The following ANKH variants were observed in gnomAD, a reference collection of about 807,000 sequenced individuals.
ANKH encodes the protein mineralization regulator ANKH.
In ANKH, 15 loss-of-function variants were observed where a neutral mutation model predicts 49.0. The ratio of observed to expected loss-of-function variants is 0.31; its 90% CI spans 0.20 to 0.47. The LOEUF (loss-of-function observed/expected upper bound fraction) is 0.47, where lower values mean the gene tolerates loss of function less well. ANKH is among the 20% of genes least tolerant of loss of function. The pLI is 1.00. For synonymous variants in ANKH, 273 were observed against 260.0 expected (o/e 1.05, Z -0.48); for missense variants, 429 against 652.0 (o/e 0.66, Z 3.72).
chr5:14,841,136 G>A (rs192165663), intron 1 of ANKH, among the ~76,000 whole-genome samples: 12 of 152,170 alleles, frequency 7.9e-5, no homozygotes, highest in African/African-American at 2.4e-4. Flanking sequence ...AAAATGGGTA[G>A]AGGAATGAAG....
At chr5:14,772,413 C>T (rs993518154) in intron 1 of ANKH, among the ~76,000 whole-genome samples, 6 of 152,264 alleles carry the variant, frequency 3.9e-5, no homozygotes, top group East Asian at 1.9e-4. Flanking sequence ...TTTTCTGACT[C>T]GGTATTATAT....
chr5:14,781,284 G>C (rs1245316495), intron 1 of ANKH, among the ~76,000 whole-genome samples: 2 of 152,178 alleles, frequency 1.3e-5, no homozygotes, highest in Non-Finnish European at 2.9e-5. Context: ...TTGTGGTTCA[G>C]GGGGAGCAGC....
Position 14,713,631 on chromosome 5 carries a change from G to A in ANKH, c.1178C>T (p.Thr393Ile). Reference sequence around the variant, plus strand: ...GGCAAGGACGAAGGTTTTCTTCAGTGTCATCAGCCACCCGGTGAGATGCGC... The same window carrying A: ...GGCAAGGACGAAGGTTTTCTTCAGTATCATCAGCCACCCGGTGAGATGCGC... ...VRAHLTGWLM[T>I]LKKTFVLAPS... Residue 393 changes from threonine to isoleucine, a missense_variant, in exon 10 of 12, where the codon ACA becomes ATA. Thr to Ile is a moderately conservative substitution (Grantham distance 89). Coordinates refer to ENST00000284268, the MANE Select transcript of ANKH (RefSeq NM_054027.6). This position sits in a 1 kb window ranked among gnomAD's most constrained non-coding sequence, Gnocchi z 4.4. 2 of 1,614,224 alleles carry A rather than the reference G, an allele frequency of 1.2e-6. No individual in the cohort carries two copies. Among genetic ancestry groups the A allele is most frequent in the Middle Eastern group, 1.7e-4 (1 of 6,050 alleles).
chr5:14,723,427 C>A (rs1017659988), intron 8 of ANKH, among the ~76,000 whole-genome samples: 1 of 151,792 alleles, frequency 6.6e-6, no homozygotes, highest in African/African-American at 2.4e-5. Flanking sequence ...TTTGGGAAGT[C>A]AAGGTGGGAG....
At chr5:14,867,029 C>T (rs941860178) in intron 1 of ANKH, among the ~76,000 whole-genome samples, 2 of 151,914 alleles carry the variant, frequency 1.3e-5, no homozygotes, top group African/African-American at 2.4e-5. Flanking sequence ...TGGTGGTGCA[C>T]GCCTGTAGTC....
At chr5:14,849,743 G>A (rs750781756) in intron 1 of ANKH, among the ~76,000 whole-genome samples, 10 of 152,164 alleles carry the variant, frequency 6.6e-5, no homozygotes, top group East Asian at 1.9e-4. Context: ...TAGCTGTGCC[G>A]GACGATCCCT....
In ANKH at chr5:14,710,913, C is replaced by G; in HGVS notation, c.*284G>C. On this transcript the variant is annotated 3_prime_UTR_variant, in exon 12 of 12. Transcript: ENST00000284268. ...CAGGGGAGGAGGACACAACGTCAAC[C>G]GTGAGGCAGCTGTGTCTTTTGGGTT... 2 of 418,588 alleles carry G rather than the reference C, an allele frequency of 4.8e-6. No individual in the cohort carries two copies. The highest frequency in any genetic ancestry group is 9.0e-6 in the Non-Finnish European group (2 of 222,930). The allele number at this position is 418,588 out of a possible 1,614,324, so 25.9% of individuals were successfully genotyped here. A position where few individuals can be genotyped will look rare whatever the true frequency, so the allele number is the denominator to read the frequency against.
At chr5:14,821,795 G>GA (rs1271057855) in intron 1 of ANKH, among the ~76,000 whole-genome samples, 1 of 151,666 alleles carries the variant, frequency 6.6e-6, no homozygotes, top group Non-Finnish European at 1.5e-5. Context: ...ATAAATGAGC[G>GA]AAAAAAAGGA....
chr5:14,821,922 G>T (rs1440091419), intron 1 of ANKH, among the ~76,000 whole-genome samples: 1 of 152,116 alleles, frequency 6.6e-6, no homozygotes, highest in East Asian at 1.9e-4. Flanking sequence ...GTTAAACCCT[G>T]CTATGGAACA....
intron 1 of ANKH, among the ~76,000 whole-genome samples, chr5:14,857,668 GA>G (rs1267080501): frequency 2.0e-5 from 3 of 150,648 alleles, no homozygotes; most frequent in South Asian, 2.1e-4. Context: ...AAAAGAAAAA[GA>G]AAAAAAAACT....
At chr5:14,757,315 A>AG (rs1738919000) in intron 3 of ANKH, among the ~76,000 whole-genome samples, 2 of 152,048 alleles carry the variant, frequency 1.3e-5, no homozygotes, top group Non-Finnish European at 2.9e-5. Flanking sequence ...GGTAAAAAAA[A>AG]CTATACAGAC....
Position 14,710,182 on chromosome 5 carries a change from GA to G in ANKH, c.*1014del, listed in dbSNP as rs1177217499. On this transcript the variant is annotated 3_prime_UTR_variant, in exon 12 of 12. Coordinates refer to ENST00000284268, the MANE Select transcript of ANKH (RefSeq NM_054027.6). ...CCTGTACCGCAGAGTTATGACTAAGGATAGCAGAACCAGGTAATATATCTAC... is the reference window on the plus strand; with the variant it reads ...CCTGTACCGCAGAGTTATGACTAAGGTAGCAGAACCAGGTAATATATCTAC... 6 of 152,220 alleles carry G rather than the reference GA, an allele frequency of 3.9e-5. No homozygotes were observed. Among genetic ancestry groups the G allele is most frequent in the African/African-American group, 1.4e-4 (6 of 41,442 alleles). 9.4% of individuals were successfully genotyped at this position (152,220 alleles called of 1,614,324 possible). A position where few individuals can be genotyped will look rare whatever the true frequency, so the allele number is the denominator to read the frequency against.
At chr5:14,723,355 T>TAA (rs758534481) in intron 8 of ANKH, among the ~76,000 whole-genome samples, 2,694 of 33,482 alleles carry the variant, frequency 0.08, 86 homozygotes, top group African/African-American at 0.18. Context: ...TATTCTTTTT[T>TAA]TAAAAAAAAA....
intron 8 of ANKH, among the ~76,000 whole-genome samples, chr5:14,730,636 C>T (rs537376481): frequency 8.6e-4 from 131 of 152,298 alleles, no homozygotes; most frequent in Non-Finnish European, 1.3e-3. Context: ...GGACGCCCCA[C>T]GCAGAGTCGA....
In ANKH at chr5:14,705,254, G is replaced by C. The variant is rs1026930035; in HGVS notation, c.*5943C>G. The stretch of plus-strand genomic sequence containing the variant: ...GGCTGACAGCCACAGCCCATGTAGA[G>C]GAATGACTCTAAGCACACTTAATTT... On this transcript the variant is annotated 3_prime_UTR_variant, in exon 12 of 12. Transcript: ENST00000284268. 2 of 151,830 alleles carry C rather than the reference G, an allele frequency of 1.3e-5. No homozygotes were observed. Among genetic ancestry groups the C allele is most frequent in the Non-Finnish European group, 2.9e-5 (2 of 68,006 alleles). The allele number at this position is 151,830 out of a possible 1,614,324, so 9.4% of individuals were successfully genotyped here.
At chr5:14,829,973 T>C (rs550380200) in intron 1 of ANKH, among the ~76,000 whole-genome samples, 1 of 152,232 alleles carries the variant, frequency 6.6e-6, no homozygotes, top group Non-Finnish European at 1.5e-5. Flanking sequence ...TTTCTGATTC[T>C]GGTTTTGCAA....
Position 14,755,783 on chromosome 5 carries a change from G to C in ANKH, c.516+78C>G, listed in dbSNP as rs113428747. The C allele has an allele frequency of 2.5e-5, 33 of 1,341,498 alleles. No individual in the cohort carries two copies. In the African/African-American group the frequency reaches 3.3e-4, roughly 13 times the overall value. The allele number at this position is 1,341,498 out of a possible 1,614,324, so 83.1% of individuals were successfully genotyped here. On this transcript the variant is annotated intron_variant, in intron 4 of 11. Transcript: ENST00000284268. ...ATGCAGAGTGTACTGCACAGTGAAT[G>C]AATATAAATCACACATCAGTTACAC...
chr5:14,749,165 G>A lies in ANKH; in HGVS notation c.822+7C>T. Reference sequence around the variant, plus strand: ...CATAAGCCCCACATCCCCAAAGCATGGCCCACCTCTGTGGCTGCAGAACTG... The same window carrying A: ...CATAAGCCCCACATCCCCAAAGCATAGCCCACCTCTGTGGCTGCAGAACTG... On this transcript the variant is annotated splice_region_variant and intron_variant, in intron 6 of 11. Transcript: ENST00000284268. 6.2e-7 allele frequency: 1 copy of A among 1,613,936 alleles called. No individual in the cohort carries two copies. The highest frequency in any genetic ancestry group is 1.7e-4 in the Middle Eastern group (1 of 6,052).
At chr5:14,823,331 GTC>G (rs1336782778) in intron 1 of ANKH, among the ~76,000 whole-genome samples, 1 of 152,098 alleles carries the variant, frequency 6.6e-6, no homozygotes, top group Non-Finnish European at 1.5e-5. Context: ...AAATATCAGT[GTC>G]TCTATCTCTC....
Sources: allele counts gnomAD v4.1 joint callset (sites outside exome capture counted in the v4.1 genomes callset), GRCh38; gene constraint gnomAD v4.1.1; non-coding constraint Gnocchi (gnomAD v3.1); transcripts MANE v1.5; gene names NCBI Gene and HGNC (gene_info 2026-07-23, HGNC 2026-07-21).